FBXL5: variants seen among roughly 807,000 people sequenced by gnomAD.
FBXL5 encodes the protein F-box and leucine rich repeat protein 5.
FBXL5 carries 26 observed loss-of-function variants against 78.3 expected under a neutral mutation model. The ratio of observed to expected loss-of-function variants is 0.33; its 90% CI spans 0.24 to 0.46. The LOEUF (loss-of-function observed/expected upper bound fraction) is 0.46, where lower values mean the gene tolerates loss of function less well. Among genes scored for constraint, FBXL5 ranks in the 20% least tolerant of loss-of-function variants. The pLI, the probability that FBXL5 is intolerant of heterozygous loss-of-function variation, is 1.00. For missense variants in FBXL5, 710 were observed against 829.2 expected, an observed-to-expected ratio of 0.86 and a Z score of 1.77; for synonymous variants, 295 against 282.5, an observed-to-expected ratio of 1.04 and a Z score of -0.45.
intron 4 of FBXL5, among the ~76,000 whole-genome samples, chr4:15,637,507 ATTCT>A (rs1364859316): frequency 6.6e-6 from 1 of 152,238 alleles, no homozygotes; most frequent in Non-Finnish European, 1.5e-5. Context: ...CTATGATCAC[ATTCT>A]TTAAACTACC....
At chr4:15,621,995 A>AT (rs1317031011) in intron 9 of FBXL5, among the ~76,000 whole-genome samples, 2 of 151,924 alleles carry the variant, frequency 1.3e-5, no homozygotes, top group African/African-American at 4.8e-5. Context: ...TGCCTAACTG[A>AT]TTTTTGTTTT....
intron 7 of FBXL5, among the ~76,000 whole-genome samples, 194 bp from the exon 8 acceptor site, chr4:15,627,149 T>C (rs1182353470): frequency 1.3e-5 from 2 of 149,816 alleles, no homozygotes; most frequent in African/African-American, 4.9e-5. Context: ...TTTTTTTTTT[T>C]TTTGAGACAG....
upstream of FBXL5, among the ~76,000 whole-genome samples, chr4:15,662,679 T>C (rs952659433): frequency 6.6e-6 from 1 of 152,218 alleles, no homozygotes; most frequent in African/African-American, 2.4e-5. Flanking sequence ...TTTTTTTCAA[T>C]ATCATTCTAG....
chr4:15,631,850 C>G (rs1396042903), intron 5 of FBXL5, among the ~76,000 whole-genome samples: 1 of 151,862 alleles, frequency 6.6e-6, no homozygotes. Flanking sequence ...CAAAAATTTT[C>G]TCTCATTCTG....
At chr4:15,667,398 T>C (rs558529705) in intron 1 of FBXL5, among the ~76,000 whole-genome samples, 2 of 152,328 alleles carry the variant, frequency 1.3e-5, no homozygotes, top group African/African-American at 4.8e-5. Flanking sequence ...CCCTCTTATT[T>C]GACATGTAGA....
At chr4:15,622,640 A>C (rs1421211130) in intron 9 of FBXL5, among the ~76,000 whole-genome samples, 1 of 151,464 alleles carries the variant, frequency 6.6e-6, no homozygotes, top group Admixed American at 6.6e-5. Flanking sequence ...TACAAACTGC[A>C]TGAAGGCAGA....
rs1714766654 is a variant in FBXL5 at position 15,640,645 on chromosome 4, TTTC to T, written c.396+140_396+142del. 9.2e-6 allele frequency: 4 copies of T among 432,758 alleles called. 1 individual carries two copies. The South Asian group carries it at 2.7e-4, about 29-fold the overall frequency. The allele number at this position is 432,758 out of a possible 1,614,324, so 26.8% of individuals were successfully genotyped here. ...CAAACGTTTTTTTTTTCCCTTGGGT[TTTC>T]TTTTTTCCCAAAAAGAACTGCGTTC... On this transcript the variant is annotated intron_variant, in intron 3 of 10. Coordinates refer to ENST00000341285, the MANE Select transcript of FBXL5 (RefSeq NM_012161.4).
intron 1 of FBXL5, among the ~76,000 whole-genome samples, chr4:15,679,016 C>A (rs1203440732): frequency 6.6e-6 from 1 of 151,424 alleles, no homozygotes; most frequent in Non-Finnish European, 1.5e-5. Context: ...CTAGCACTAT[C>A]ATAATTCTCA....
chr4:15,606,058 T>C (rs778527574), intron 10 of FBXL5, among the ~76,000 whole-genome samples: 3 of 152,010 alleles, frequency 2.0e-5, no homozygotes, highest in Non-Finnish European at 4.4e-5. Flanking sequence ...ACTTACAATA[T>C]AAAAATCCAA....
At chr4:15,629,424 T>G (rs548689489) in intron 6 of FBXL5, among the ~76,000 whole-genome samples, 1 of 152,264 alleles carries the variant, frequency 6.6e-6, no homozygotes, top group East Asian at 1.9e-4. Flanking sequence ...GGACCTTAAC[T>G]AATCGCTCAA....
At chr4:15,659,647 G>C (rs1023481915), upstream of FBXL5, 9 of 516,256 alleles carry the variant, frequency 1.7e-5, no homozygotes, top group African/African-American at 1.6e-4. Flanking sequence ...AATGTGTATA[G>C]TGGTCCATAA....
chr4:15,662,970 G>A (rs1384475457), upstream of FBXL5, among the ~76,000 whole-genome samples: 3 of 152,174 alleles, frequency 2.0e-5, no homozygotes, highest in Non-Finnish European at 4.4e-5. Flanking sequence ...TATTGACCTA[G>A]TGTGCAGGGT....
chr4:15,618,997 T>C (rs1037217182), intron 9 of FBXL5, among the ~76,000 whole-genome samples: 2 of 151,738 alleles, frequency 1.3e-5, no homozygotes, highest in African/African-American at 2.4e-5. Context: ...CTACCAAAAA[T>C]ACAAAAATTA....
chr4:15,635,523 G>A (rs770546025), intron 5 of FBXL5, among the ~76,000 whole-genome samples: 2 of 151,646 alleles, frequency 1.3e-5, no homozygotes, highest in Non-Finnish European at 2.9e-5. Flanking sequence ...GGAGGCCAAG[G>A]CAGGTGGATC....
intron 10 of FBXL5, 87 bp from the exon 11 acceptor site, chr4:15,605,886 T>C (rs1013577918): frequency 2.2e-6 from 2 of 902,760 alleles, no homozygotes; most frequent in East Asian, 2.5e-5. Flanking sequence ...TAAACATTCA[T>C]TGGTTTTACT....
At position 15,635,708 on chromosome 4, in the gene FBXL5, G is replaced by A. The variant is rs1023734094; in HGVS notation, c.766+786C>T. Among the ~76,000 whole-genome samples the A allele has an allele frequency of 1.3e-4, 20 of 148,290 alleles. No homozygotes were observed. In the East Asian group the frequency reaches 1.4e-3, roughly 10 times the overall value. On this transcript the variant is annotated intron_variant, in intron 5 of 10. Coordinates refer to ENST00000341285, the MANE Select transcript of FBXL5 (RefSeq NM_012161.4). The stretch of plus-strand genomic sequence containing the variant: ...GCAGAGGTTGCAGCGACCCAAGATC[G>A]CGCCATTGCACTCTTGCCTGGGCAA...
intron 5 of FBXL5, among the ~76,000 whole-genome samples, chr4:15,632,515 T>A (rs1713783675): frequency 1.3e-5 from 2 of 152,218 alleles, no homozygotes; most frequent in South Asian, 4.1e-4. Context: ...AGTATGGTCA[T>A]TTTCACGATA....
intron 1 of FBXL5, among the ~76,000 whole-genome samples, chr4:15,674,871 G>A (rs968068417): frequency 7.2e-5 from 11 of 152,066 alleles, no homozygotes; most frequent in Admixed American, 5.2e-4. Context: ...GGATGGTCTC[G>A]ATCTCCTGAC....
chr4:15,626,905 G>T lies in FBXL5; in HGVS notation c.1092C>A (p.Thr364=). Reference sequence around the variant, plus strand: ...ATGCAGAATCTGAAATGTCAGTCTGGGTAAGATCCAGATGCTCCAGGTTAG... The same window carrying T: ...ATGCAGAATCTGAAATGTCAGTCTGTGTAAGATCCAGATGCTCCAGGTTAG... The part of the protein sequence containing the change: ...LCPNLEHLDL[T]QTDISDSAFD... Residue 364 remains threonine (T), a synonymous_variant, in exon 8 of 11, where the codon ACC becomes ACA. Transcript: ENST00000341285. 6.2e-7 allele frequency: 1 copy of T among 1,611,528 alleles called. No individual in the cohort carries two copies. The highest frequency in any genetic ancestry group is 2.2e-5 in the East Asian group (1 of 44,796).
Sources: allele counts gnomAD v4.1 joint callset (sites outside exome capture counted in the v4.1 genomes callset), GRCh38; gene constraint gnomAD v4.1.1; transcripts MANE v1.5; gene names NCBI Gene and HGNC (gene_info 2026-07-23, HGNC 2026-07-21).